The following ABHD12B variants were observed in gnomAD, a reference collection of about 807,000 sequenced individuals.
The protein encoded by ABHD12B is protein ABHD12B.
In ABHD12B, 42 loss-of-function variants were observed where a neutral mutation model predicts 50.4. The observed-to-expected ratio is 0.83, with a 90% CI of 0.65 to 1.08. The LOEUF is 1.08. Among genes scored for constraint, ABHD12B ranks in the 50% least tolerant of loss-of-function variants. ABHD12B has a pLI of 0.00. For missense variants in ABHD12B, 479 were observed against 447.7 expected (o/e 1.07, Z -0.63); for synonymous variants, 167 against 160.3 (o/e 1.04, Z -0.32).
Position 50,872,183 on chromosome 14 carries a change from G to A in ABHD12B, c.9G>A (p.Ala3=). 1 of 1,352,032 alleles carries A rather than the reference G, an allele frequency of 7.4e-7. No homozygotes were observed. The highest frequency in any genetic ancestry group is 1.5e-5 in the African/African-American group (1 of 66,094). The allele number at this position is 1,352,032 out of a possible 1,614,324, so 83.8% of individuals were successfully genotyped here. The change falls in exon 1 of 13, where the codon GCG becomes GCA. Residue 3 remains alanine, a synonymous_variant. Transcript: ENST00000337334. ...TCGGGACACGGCGCGGGATGGACGC[G>A]CAGGACTGCCAGGCGGCCGCATCGC... The part of the protein sequence containing the change: MD[A]QDCQAAASPE...
intron 5 of ABHD12B, among the ~76,000 whole-genome samples, chr14:50,882,094 C>T (rs912089245): frequency 1.3e-5 from 2 of 151,906 alleles, no homozygotes; most frequent in Non-Finnish European, 2.9e-5. Context: ...AACCACCACG[C>T]CCGGCTAATT....
chr14:50,889,156 C>T (rs998751442), intron 9 of ABHD12B, among the ~76,000 whole-genome samples: 4 of 152,080 alleles, frequency 2.6e-5, no homozygotes, highest in Admixed American at 2.6e-4. Context: ...ATAGACTTGC[C>T]TTAAGTTTAT....
rs1372554989 is a variant in ABHD12B at position 50,880,693 on chromosome 14, CTTT to C, written c.455+123_455+125del. The C allele has an allele frequency of 3.4e-6, 4 of 1,179,958 alleles. No individual in the cohort carries two copies. The Admixed American group carries it at 1.2e-4, about 36-fold the overall frequency. The allele number at this position is 1,179,958 out of a possible 1,614,324, so 73.1% of individuals were successfully genotyped here. On this transcript the variant is annotated intron_variant, in intron 4 of 12. Coordinates refer to ENST00000337334, the MANE Select transcript of ABHD12B (RefSeq NM_001206673.2). ...GGCATGCCTTCACATATTTCTTCTC[CTTT>C]GTTGAAATCTGAGGGTGTTCTGGCA...
intron 1 of ABHD12B, 108 bp downstream of exon 1, chr14:50,872,386 C>T (rs894982509): frequency 1.0e-5 from 8 of 793,284 alleles, no homozygotes; most frequent in South Asian, 5.9e-5. Context: ...TCTGCTGGCC[C>T]GGGCCCAAGG....
intron 11 of ABHD12B, 83 bp downstream of exon 11, chr14:50,903,550 C>T (rs543901443): frequency 5.5e-5 from 63 of 1,149,248 alleles, no homozygotes; most frequent in African/African-American, 1.1e-4. Context: ...TGATTAGAGC[C>T]GAAAGGAGGG....
At chr14:50,885,250 A>G (rs1267291850) in intron 5 of ABHD12B, among the ~76,000 whole-genome samples, 2 of 152,126 alleles carry the variant, frequency 1.3e-5, no homozygotes, top group East Asian at 3.9e-4. Context: ...CCCACCTGTT[A>G]AACTTGTGTG....
chr14:50,904,169 C>G lies in ABHD12B; in HGVS notation c.1038C>G (p.Ser346Arg). 3 of 1,614,122 alleles carry G rather than the reference C, an allele frequency of 1.9e-6. No homozygotes were observed. Among genetic ancestry groups the G allele is most frequent in the Non-Finnish European group, 2.5e-6 (3 of 1,179,978 alleles). The change falls in exon 12 of 13, where the codon AGC (serine) becomes AGG (arginine). Residue 346 changes from serine to arginine, a missense_variant. Physicochemically the swap from Ser to Arg is moderately radical, Grantham distance 110. Transcript: ENST00000337334. ...TCCAACACAACCTGCTTTGTAAAAG[C>G]CCCACACTGTTAATAACCGTGAGGT... ...PGFQHNLLCK[S>R]PTLLITVRDF...
intron 9 of ABHD12B, among the ~76,000 whole-genome samples, chr14:50,893,994 T>C (rs2050156845): frequency 6.6e-6 from 1 of 152,392 alleles, no homozygotes; most frequent in African/African-American, 2.4e-5. Flanking sequence ...GACACCTCTC[T>C]GATTATTCAC....
chr14:50,885,767 AT>A lies in ABHD12B; in HGVS notation c.537del (p.Phe179LeufsTer13). ...GTGTTTGCCTTTTCTTGCTGCCAGG[AT>A]TTGGGGACTCTACAGGTAAGCCCAC... ...FHVLSVDYRG[F>X]GDSTGKPTEE... On this transcript the variant is annotated frameshift_variant and splice_region_variant, in exon 7 of 13. Coordinates refer to ENST00000337334, the MANE Select transcript of ABHD12B (RefSeq NM_001206673.2). The A allele has an allele frequency of 6.2e-7, 1 of 1,614,094 alleles. No homozygotes were observed. The highest frequency in any genetic ancestry group is 1.3e-5 in the African/African-American group (1 of 74,996).
chr14:50,898,749 AC>A, intron 9 of ABHD12B, among the ~76,000 whole-genome samples: 1 of 152,352 alleles, frequency 6.6e-6, no homozygotes, highest in East Asian at 1.9e-4. Context: ...AAAAGAGAAA[AC>A]AAAACAAGAA....
chr14:50,889,680 A>G (rs2050091400), intron 9 of ABHD12B, among the ~76,000 whole-genome samples: 2 of 152,226 alleles, frequency 1.3e-5, no homozygotes, highest in Non-Finnish European at 2.9e-5. Flanking sequence ...TCCTAACTTT[A>G]TAATCTTATT....
chr14:50,880,624 C>A, intron 4 of ABHD12B, 53 bp downstream of exon 4: 1 of 1,477,786 alleles, frequency 6.8e-7, no homozygotes, highest in Non-Finnish European at 9.0e-7. Flanking sequence ...AGCATTTCAG[C>A]CCCATGGGGG....
intron 9 of ABHD12B, among the ~76,000 whole-genome samples, chr14:50,889,899 A>G (rs2050095705): frequency 6.6e-6 from 1 of 152,234 alleles, no homozygotes; most frequent in African/African-American, 2.4e-5. Context: ...GCCATCATAG[A>G]TAGAATTCCA....
In ABHD12B at chr14:50,904,714, C is replaced by T. The variant is rs568543959; in HGVS notation, c.*348C>T. The T allele has an allele frequency of 5.0e-4, 179 of 358,836 alleles. No homozygotes were observed. Among genetic ancestry groups the T allele is most frequent in the African/African-American group, 3.5e-3 (170 of 48,558 alleles). 22.2% of individuals were successfully genotyped at this position (358,836 alleles called of 1,614,324 possible). On this transcript the variant is annotated 3_prime_UTR_variant, in exon 13 of 13. Coordinates refer to ENST00000337334, the MANE Select transcript of ABHD12B (RefSeq NM_001206673.2). ...GTCCGAATATCTGGGCCTGCCCCCC[C>T]AAATTATGCTGAAACCTAATCACCA...
rs1018824113 is a variant in ABHD12B, at chr14:50,894,284, C to T, written c.780+5381C>T. On this transcript the variant is annotated intron_variant, in intron 9 of 12. Coordinates refer to ENST00000337334, the MANE Select transcript of ABHD12B (RefSeq NM_001206673.2). ...TCCCGCTTTCCTAGGGGGCAAAAAACCCCCAATCGCTTATTTCTGCACCCT... is the reference window on the plus strand; with the variant it reads ...TCCCGCTTTCCTAGGGGGCAAAAAATCCCCAATCGCTTATTTCTGCACCCT... 2.8e-3 allele frequency among the ~76,000 whole-genome samples: 421 copies of T among 152,066 alleles called. 1 individual carries two copies. Among genetic ancestry groups the T allele is most frequent in the African/African-American group, 9.8e-3 (408 of 41,440 alleles).
At chr14:50,872,713 T>C (rs2049803757) in intron 1 of ABHD12B, among the ~76,000 whole-genome samples, 1 of 152,212 alleles carries the variant, frequency 6.6e-6, no homozygotes, top group Non-Finnish European at 1.5e-5. Context: ...CCTATCTGTG[T>C]AGGTGGAAAA....
chr14:50,886,157 G>A (rs914357668), intron 7 of ABHD12B, among the ~76,000 whole-genome samples: 1 of 152,176 alleles, frequency 6.6e-6, no homozygotes, highest in East Asian at 1.9e-4. Context: ...AGGATCCTTG[G>A]CCAGGCGGGG....
At chr14:50,889,243 G>T (rs1328124969) in intron 9 of ABHD12B, among the ~76,000 whole-genome samples, 1 of 152,132 alleles carries the variant, frequency 6.6e-6, no homozygotes, top group Non-Finnish European at 1.5e-5. Flanking sequence ...AATGTCATTT[G>T]AATATCTTTC....
chr14:50,895,999 T>C (rs1258046189), intron 9 of ABHD12B, among the ~76,000 whole-genome samples: 2 of 151,728 alleles, frequency 1.3e-5, no homozygotes, highest in South Asian at 2.1e-4. Flanking sequence ...CTATATCTCA[T>C]TGCCGCCCTT....
Sources: gnomAD v4.1 joint callset for allele counts (sites outside exome capture counted in the v4.1 genomes callset) on GRCh38, gnomAD v4.1.1 for gene constraint, MANE v1.5 for transcripts, NCBI Gene and HGNC (gene_info 2026-07-23, HGNC 2026-07-21) for gene names.